Variants in ANO3 observed in about 807,000 individuals in gnomAD.
ANO3 encodes anoctamin-3.
A neutral mutation model predicts 144.8 loss-of-function variants in ANO3; 99 were observed. That is an observed-to-expected ratio of 0.68 (90% CI 0.58 to 0.81). The LOEUF is 0.81. ANO3 is among the 30% of genes least tolerant of loss of function. The probability of loss-of-function intolerance (pLI) is 0.00; values close to 1 mark genes in which losing one functional copy is unlikely to be tolerated. For synonymous variants in ANO3, 414 were observed against 392.6 expected, an observed-to-expected ratio of 1.05 and a Z score of -0.64; for missense variants, 905 against 1,202.2, an observed-to-expected ratio of 0.75 and a Z score of 3.66.
chr11:26,390,490 G>A (rs889994304), intron 1 of ANO3, among the ~76,000 whole-genome samples: 2 of 151,994 alleles, frequency 1.3e-5, no homozygotes, highest in African/African-American at 4.8e-5. Context: ...ATCCACCAGT[G>A]TATTTGGTAA....
intron 1 of ANO3, among the ~76,000 whole-genome samples, chr11:26,414,971 C>G (rs888800128): frequency 2.6e-5 from 4 of 151,894 alleles, no homozygotes; most frequent in Admixed American, 2.6e-4. Flanking sequence ...TCACCTCTCT[C>G]CCTACCACCA....
chr11:26,299,850 A>G (rs1418612040), intron 1 of ANO3, among the ~76,000 whole-genome samples: 1 of 152,194 alleles, frequency 6.6e-6, no homozygotes, highest in Non-Finnish European at 1.5e-5. Context: ...ATATGAGTAT[A>G]CAATTGCCAA....
At chr11:26,643,436 G>A (rs1282886379) in intron 23 of ANO3, 102 bp downstream of exon 23, 2 of 1,422,604 alleles carry the variant, frequency 1.4e-6, no homozygotes, top group African/African-American at 1.4e-5. Flanking sequence ...AATTGCCAGT[G>A]TCATAGTATT....
intron 1 of ANO3, among the ~76,000 whole-genome samples, chr11:26,228,325 A>T (rs1288748113): frequency 6.6e-6 from 1 of 152,206 alleles, no homozygotes; most frequent in Admixed American, 6.5e-5. Context: ...ATCCCCAGTG[A>T]AAGTTTTAAA....
intron 14 of ANO3, chr11:26,566,908 T>A: frequency 3.3e-6 from 2 of 607,236 alleles, no homozygotes; most frequent in African/African-American, 1.9e-5. Context: ...ATGGGCTGAC[T>A]TAGGTAGCAG....
chr11:26,324,040 A>C (rs746599022), intron 1 of ANO3, among the ~76,000 whole-genome samples: 9 of 152,186 alleles, frequency 5.9e-5, no homozygotes, highest in Non-Finnish European at 1.2e-4. Flanking sequence ...GTTTATGTTT[A>C]TCTGATCTGA....
chr11:26,606,704 G>A (rs1473764499), intron 17 of ANO3, among the ~76,000 whole-genome samples: 1 of 151,956 alleles, frequency 6.6e-6, no homozygotes, highest in African/African-American at 2.4e-5. Flanking sequence ...GACACACATG[G>A]GTCTTGACTC....
chr11:26,317,510 C>T (rs1465406095), intron 1 of ANO3, among the ~76,000 whole-genome samples: 1 of 152,094 alleles, frequency 6.6e-6, no homozygotes, highest in Non-Finnish European at 1.5e-5. Flanking sequence ...ATGAAAAAAG[C>T]TCATCATCAC....
At chr11:26,451,463 C>A (rs536487994) in intron 3 of ANO3, among the ~76,000 whole-genome samples, 3 of 152,278 alleles carry the variant, frequency 2.0e-5, no homozygotes, top group South Asian at 4.1e-4. Context: ...GGTCCTACGC[C>A]CACGGAGTCT....
intron 1 of ANO3, among the ~76,000 whole-genome samples, chr11:26,423,310 T>TG (rs1491455491): frequency 8.3e-3 from 7 of 840 alleles, no homozygotes; most frequent in Non-Finnish European, 0.011. Flanking sequence ...ACCTTTATAC[T>TG]TTTTTTTTTT....
intron 14 of ANO3, chr11:26,560,819 GA>G: frequency 5.6e-6 from 2 of 355,002 alleles, no homozygotes; most frequent in South Asian, 1.0e-4. Context: ...TTTCTACTAA[GA>G]AAATACTACT....
chr11:26,277,595 C>T (rs1472639416), intron 1 of ANO3, among the ~76,000 whole-genome samples: 1 of 151,980 alleles, frequency 6.6e-6, no homozygotes, highest in African/African-American at 2.4e-5. Flanking sequence ...ACTGCGCTAA[C>T]CTAGAGAAGT....
intron 1 of ANO3, among the ~76,000 whole-genome samples, chr11:26,407,318 A>T (rs2133981572): frequency 6.6e-6 from 1 of 151,546 alleles, no homozygotes; most frequent in Admixed American, 6.6e-5. Context: ...TAAAGAGCCA[A>T]CTCAAATGAC....
chr11:26,604,139 G>A (rs1042962593), intron 17 of ANO3, among the ~76,000 whole-genome samples: 2 of 151,934 alleles, frequency 1.3e-5, no homozygotes, highest in African/African-American at 2.4e-5. Flanking sequence ...CTTCCTCTAT[G>A]ATATGAACTC....
intron 1 of ANO3, among the ~76,000 whole-genome samples, chr11:26,262,895 T>C (rs1284625680): frequency 6.6e-6 from 1 of 152,036 alleles, no homozygotes; most frequent in Non-Finnish European, 1.5e-5. Context: ...GAGAAATAAA[T>C]TGTTGTTTAA....
At chr11:26,652,439 C>T (rs1853562193) in intron 24 of ANO3, among the ~76,000 whole-genome samples, 1 of 152,110 alleles carries the variant, frequency 6.6e-6, no homozygotes. Context: ...TCCCATGTAG[C>T]CTGCCTCCTC....
intron 1 of ANO3, among the ~76,000 whole-genome samples, chr11:26,278,731 T>TAA (rs1247053928): frequency 3.9e-4 from 60 of 152,130 alleles, no homozygotes; most frequent in Admixed American, 3.9e-3. Context: ...TATACTCTAT[T>TAA]ATTTGTCTTT....
At chr11:26,413,706 T>C (rs1406444891) in intron 1 of ANO3, among the ~76,000 whole-genome samples, 1 of 152,072 alleles carries the variant, frequency 6.6e-6, no homozygotes, top group Non-Finnish European at 1.5e-5. Context: ...TATTTCTAAT[T>C]ATTAATAAGG....
At chr11:26,635,830 T>C (rs1015785924) in intron 20 of ANO3, among the ~76,000 whole-genome samples, 1 of 152,222 alleles carries the variant, frequency 6.6e-6, no homozygotes, top group East Asian at 1.9e-4. Context: ...CAGTCTATAT[T>C]CTAATTCTTC....
Sources: allele counts gnomAD v4.1 joint callset (sites outside exome capture counted in the v4.1 genomes callset), GRCh38; gene constraint gnomAD v4.1.1; transcripts MANE v1.5; gene names NCBI Gene and HGNC (gene_info 2026-07-23, HGNC 2026-07-21).